Variants in WNK3 observed in about 807,000 individuals in gnomAD.
The protein encoded by WNK3 is serine/threonine-protein kinase WNK3.
Under a neutral mutation model 116.7 loss-of-function variants are expected in WNK3, and 18 were observed. That is an observed-to-expected ratio of 0.15 (90% CI 0.11 to 0.23). WNK3 has a LOEUF of 0.23. Ranked by LOEUF, WNK3 falls within the 10% of genes least tolerant of loss-of-function variation. WNK3 has a pLI of 1.00. For missense variants in WNK3, 993 were observed against 1,323.8 expected (o/e 0.75, Z 3.88); for synonymous variants, 404 against 469.4 (o/e 0.86, Z 1.80).
chrX:54,273,165 T>C (rs1557159796), intron 10 of WNK3, among the ~76,000 whole-genome samples: 1 of 112,458 alleles, frequency 8.9e-6, no homozygotes, highest in Non-Finnish European at 1.9e-5. Context: ...TTATTTTCCC[T>C]TTTAATGTCA....
chrX:54,336,636 CAG>C (rs2069241677), intron 1 of WNK3, among the ~76,000 whole-genome samples: 1 of 110,922 alleles, frequency 9.0e-6, no homozygotes, highest in African/African-American at 3.3e-5. Flanking sequence ...CAGATGAGGA[CAG>C]AGAGGCAGAT....
chrX:54,196,556 G>A (rs1557140180), exon 24 of WNK3: 1 of 110,811 alleles, frequency 9.0e-6, no homozygotes, highest in Non-Finnish European at 1.9e-5. Flanking sequence ...TCTGTTAACA[G>A]TAATGTTGGG....
At chrX:54,357,247 G>A (rs1350916215) in intron 1 of WNK3, among the ~76,000 whole-genome samples, 1 of 109,552 alleles carries the variant, frequency 9.1e-6, no homozygotes, top group Non-Finnish European at 1.9e-5. Flanking sequence ...TCAGTCCTTT[G>A]TCAACCGTCT....
At chrX:54,228,624 A>T in intron 22 of WNK3, 90 bp downstream of exon 22, 1 of 412,771 alleles carries the variant, frequency 2.4e-6, no homozygotes, top group Non-Finnish European at 4.4e-6. Flanking sequence ...GTATAAGTTA[A>T]ATGAGTGAAC....
intron 23 of WNK3, among the ~76,000 whole-genome samples, chrX:54,201,140 C>T (rs983616225): frequency 9.0e-6 from 1 of 111,640 alleles, no homozygotes; most frequent in African/African-American, 3.3e-5. Context: ...AAAAAAGTCA[C>T]TTACTTTAAA....
intron 2 of WNK3, among the ~76,000 whole-genome samples, chrX:54,321,816 T>C (rs972586580): frequency 5.5e-5 from 6 of 108,591 alleles, no homozygotes; most frequent in Non-Finnish European, 7.6e-5. Context: ...AAAAATTAGC[T>C]GGGCGTGGTA....
chrX:54,238,576 C>T lies in WNK3; in HGVS notation c.3884-104G>A, dbSNP rs2067989140. On this transcript the variant is annotated intron_variant, in intron 18 of 23. Transcript: ENST00000354646. ...AAGAAAAGTAGAAAAAGCTTAACTCCTGCTAGACAATTAAAAGGTGTTAAT... is the reference window on the plus strand; with the variant it reads ...AAGAAAAGTAGAAAAAGCTTAACTCTTGCTAGACAATTAAAAGGTGTTAAT... The T allele has an allele frequency of 9.8e-6, 8 of 815,960 alleles. No individual in the cohort carries two copies. The South Asian group carries it at 2.3e-4, about 23-fold the overall frequency. The allele number at this position is 815,960 out of a possible 1,213,427, so 67.2% of individuals were successfully genotyped here.
At chrX:54,241,225 T>A (rs1185825718) in intron 17 of WNK3, among the ~76,000 whole-genome samples, 1 of 111,915 alleles carries the variant, frequency 8.9e-6, no homozygotes, top group Non-Finnish European at 1.9e-5. Flanking sequence ...CCAGGCAGCA[T>A]TAGAGATAAG....
At chrX:54,354,473 G>A in intron 1 of WNK3, among the ~76,000 whole-genome samples, 1 of 110,510 alleles carries the variant, frequency 9.0e-6, no homozygotes, top group East Asian at 2.9e-4. Context: ...CCTTCCCCAC[G>A]AAAACATACA....
At chrX:54,276,941 T>A (rs1167122469) in intron 10 of WNK3, among the ~76,000 whole-genome samples, 1 of 112,189 alleles carries the variant, frequency 8.9e-6, no homozygotes, top group Admixed American at 9.5e-5. Context: ...GTTATTGAAC[T>A]CCTGATTTCA....
At chrX:54,343,871 G>A (rs1326562783) in intron 1 of WNK3, among the ~76,000 whole-genome samples, 2 of 109,662 alleles carry the variant, frequency 1.8e-5, no homozygotes, top group Non-Finnish European at 3.8e-5. Context: ...ACATTGCCCC[G>A]GCTCCTCTCA....
chrX:54,325,300 G>A (rs782364022), intron 2 of WNK3, among the ~76,000 whole-genome samples: 36 of 111,142 alleles, frequency 3.2e-4, no homozygotes, highest in Non-Finnish European at 5.6e-4. Context: ...CACAGAGTGA[G>A]GCTTATTACA....
intron 22 of WNK3, among the ~76,000 whole-genome samples, chrX:54,228,226 G>A (rs973552914): frequency 6.3e-5 from 7 of 111,542 alleles, no homozygotes; most frequent in African/African-American, 2.3e-4. Flanking sequence ...AATAAATGGC[G>A]GGGGCTACTA....
At chrX:54,241,796 A>G (rs1557151622) in intron 17 of WNK3, among the ~76,000 whole-genome samples, 1 of 109,994 alleles carries the variant, frequency 9.1e-6, no homozygotes, top group African/African-American at 3.3e-5. Context: ...TCTACCAAAA[A>G]TATAAAAATT....
At chrX:54,229,383 T>G (rs782342456) in intron 21 of WNK3, among the ~76,000 whole-genome samples, 2 of 108,607 alleles carry the variant, frequency 1.8e-5, no homozygotes, top group Non-Finnish European at 3.8e-5. Context: ...AAAGGAGAGA[T>G]AGCCTACGTT....
intron 17 of WNK3, among the ~76,000 whole-genome samples, chrX:54,242,950 CTT>C (rs1308824317): frequency 9.0e-6 from 1 of 110,971 alleles, no homozygotes; most frequent in Non-Finnish European, 1.9e-5. Flanking sequence ...CTAATAAAGA[CTT>C]AGCATCCAGA....
At chrX:54,300,412 G>C (rs142159798) in intron 6 of WNK3, among the ~76,000 whole-genome samples, 5 of 109,707 alleles carry the variant, frequency 4.6e-5, no homozygotes, top group African/African-American at 1.7e-4. Flanking sequence ...CTCCTGCCTC[G>C]GCCTCCCAAA....
At chrX:54,269,195 C>T (rs964694508) in intron 10 of WNK3, among the ~76,000 whole-genome samples, 2 of 111,190 alleles carry the variant, frequency 1.8e-5, no homozygotes, top group Admixed American at 9.7e-5. Flanking sequence ...CATTGCAATA[C>T]TGTCAAGAAA....
intron 17 of WNK3, among the ~76,000 whole-genome samples, chrX:54,243,374 T>A (rs1278587096): frequency 1.1e-5 from 1 of 87,660 alleles, no homozygotes; most frequent in Admixed American, 1.7e-4. Flanking sequence ...TGAGCCAAGA[T>A]AGCGCCACTA....
Sources: allele counts gnomAD v4.1 joint callset (sites outside exome capture counted in the v4.1 genomes callset), GRCh38; gene constraint gnomAD v4.1.1; transcripts MANE v1.5; gene names NCBI Gene and HGNC (gene_info 2026-07-23, HGNC 2026-07-21).